Variants in CPD observed in about 807,000 individuals in gnomAD.
CPD encodes metallocarboxypeptidase D.
Under a neutral mutation model 138.3 loss-of-function variants are expected in CPD, and 69 were observed. The ratio of observed to expected loss-of-function variants is 0.50; its 90% CI spans 0.41 to 0.61. CPD has a LOEUF of 0.61. Among genes scored for constraint, CPD ranks in the 20% least tolerant of loss-of-function variants. CPD has a pLI of 0.00. For missense variants in CPD, 1,432 were observed against 1,733.3 expected (o/e 0.83, Z 3.09); for synonymous variants, 651 against 642.1 (o/e 1.01, Z -0.21).
intron 18 of CPD, 38 bp downstream of exon 18, chr17:30,461,349 G>T (rs958507873): frequency 1.3e-6 from 2 of 1,489,144 alleles, no homozygotes; most frequent in South Asian, 1.5e-5. Flanking sequence ...AAACTCCCAG[G>T]AATATGTTCA....
rs1333600557 is a variant in CPD at position 30,465,778 on chromosome 17, G to C, written c.*964G>C. 6.6e-6 allele frequency: 1 copy of C among 152,562 alleles called. No individual in the cohort carries two copies. The highest frequency in any genetic ancestry group is 1.5e-5 in the Non-Finnish European group (1 of 68,016). The allele number at this position is 152,562 out of a possible 1,614,324, so 9.5% of individuals were successfully genotyped here. On this transcript the variant is annotated 3_prime_UTR_variant, in exon 21 of 21. Transcript: ENST00000225719. ...TGAAAATATCTAGAAATGTGGAAGA[G>C]ACCTACTTGCACATTCTTAACCTGT...
chr17:30,459,156 T>TG (rs1290032872), intron 17 of CPD, among the ~76,000 whole-genome samples: 1 of 144,298 alleles, frequency 6.9e-6, no homozygotes, highest in Non-Finnish European at 1.5e-5. Flanking sequence ...CTTTTTTTTT[T>TG]TTTTTTTTGG....
In CPD at chr17:30,462,403, G is replaced by C. The variant is rs751392969; in HGVS notation, c.3850G>C (p.Val1284Leu). Reference sequence around the variant, plus strand: ...GCATCATGATGCAGCTAGTTCTGTGGTGATAGTCTTTGACACAGATAACCG... The same window carrying C: ...GCATCATGATGCAGCTAGTTCTGTGCTGATAGTCTTTGACACAGATAACCG... ...FVHHDAASSV[V>L]IVFDTDNRIF... The change falls in exon 20 of 21, where the codon GTG (valine) becomes CTG (leucine). Residue 1284 changes from valine to leucine, a missense_variant. Coordinates refer to ENST00000225719, the MANE Select transcript of CPD (RefSeq NM_001304.5). 1 of 1,613,954 alleles carries C rather than the reference G, an allele frequency of 6.2e-7. No homozygotes were observed. The highest frequency in any genetic ancestry group is 8.5e-7 in the Non-Finnish European group (1 of 1,179,888).
chr17:30,436,490 G>A (rs1912704269), intron 8 of CPD, among the ~76,000 whole-genome samples: 1 of 152,172 alleles, frequency 6.6e-6, no homozygotes, highest in African/African-American at 2.4e-5. Context: ...CTCTGAAGAA[G>A]AGAAAATGGC....
intron 6 of CPD, 101 bp downstream of exon 6, chr17:30,423,798 A>T (rs1376706127): frequency 4.8e-5 from 44 of 914,822 alleles, no homozygotes; most frequent in Admixed American, 3.4e-5. Context: ...ATTTCTTCCA[A>T]TTTTTTTTCC....
At position 30,379,178 on chromosome 17, in the gene CPD, G is replaced by C; in HGVS notation, c.198G>C (p.Ser66=). The C allele has an allele frequency of 2.6e-6, 4 of 1,533,400 alleles. No homozygotes were observed. The highest frequency in any genetic ancestry group is 3.5e-6 in the Non-Finnish European group (4 of 1,143,736). 95.0% of individuals were successfully genotyped at this position (1,533,400 alleles called of 1,614,324 possible). The change falls in exon 1 of 21, where the codon TCG becomes TCC. Residue 66 remains serine, a synonymous_variant. Coordinates refer to ENST00000225719, the MANE Select transcript of CPD (RefSeq NM_001304.5). This position sits in a 1 kb window ranked among gnomAD's most constrained non-coding sequence, Gnocchi z 7.0. ...DRYYHEEELE[S]ALREAAAAGL... Reference sequence around the variant, plus strand: ...ACTACCACGAAGAGGAGTTGGAGTCGGCGCTGAGGGAGGCGGCGGCCGCGG... The same window carrying C: ...ACTACCACGAAGAGGAGTTGGAGTCCGCGCTGAGGGAGGCGGCGGCCGCGG...
intron 2 of CPD, among the ~76,000 whole-genome samples, chr17:30,406,720 C>T (rs1911808075): frequency 6.6e-6 from 1 of 152,104 alleles, no homozygotes; most frequent in Non-Finnish European, 1.5e-5. Context: ...GTGAGTTGGC[C>T]ATGTTTGCAA....
At chr17:30,385,454 T>C (rs529646876) in intron 2 of CPD, among the ~76,000 whole-genome samples, 28 of 148,672 alleles carry the variant, frequency 1.9e-4, no homozygotes, top group African/African-American at 6.1e-4. Context: ...CCCAGATGGC[T>C]TGCCTCTCCC....
At chr17:30,451,652 A>C in intron 13 of CPD, 59 bp from the exon 14 acceptor site, 2 of 1,513,120 alleles carry the variant, frequency 1.3e-6, no homozygotes, top group Non-Finnish European at 1.8e-6. Flanking sequence ...GAGGCATGAG[A>C]GGGTACCCAT....
chr17:30,416,190 G>T (rs1386335366), intron 2 of CPD, among the ~76,000 whole-genome samples: 6 of 152,084 alleles, frequency 3.9e-5, no homozygotes. Context: ...AAATTAGCCG[G>T]GCGTAGTGCT....
At chr17:30,431,907 G>A (rs1008943525) in intron 8 of CPD, 26 bp downstream of exon 8, 1 of 1,426,628 alleles carries the variant, frequency 7.0e-7, no homozygotes, top group South Asian at 1.2e-5. Context: ...AATATAAAAT[G>A]TTACAAAATT....
Position 30,420,925 on chromosome 17 carries a change from C to T in CPD, c.1079C>T (p.Ser360Leu). The change falls in exon 3 of 21, where the codon TCA (serine) becomes TTA (leucine). Residue 360 changes from serine (S) to leucine (L), a missense_variant. By Grantham distance (145) the Ser-to-Leu change is moderately radical. Coordinates refer to ENST00000225719, the MANE Select transcript of CPD (RefSeq NM_001304.5). The part of the protein sequence containing the change: ...ELSCCKYPPA[S>L]QLRQEWENNR... ...TCTTGTTGCAAGTACCCACCTGCTT[C>T]ACAGCTTCGACAGGAATGGGAGAAC... 6.2e-7 allele frequency: 1 copy of T among 1,613,838 alleles called. No homozygotes were observed. The highest frequency in any genetic ancestry group is 8.5e-7 in the Non-Finnish European group (1 of 1,179,788).
intron 2 of CPD, among the ~76,000 whole-genome samples, chr17:30,401,501 T>C (rs908421019): frequency 2.0e-5 from 3 of 151,782 alleles, no homozygotes; most frequent in Non-Finnish European, 2.9e-5. Context: ...ATTATTATTG[T>C]GAGACAGAGT....
chr17:30,401,402 C>CTCCTCTTCTTCCTCT, intron 2 of CPD, among the ~76,000 whole-genome samples: 1 of 148,762 alleles, frequency 6.7e-6, no homozygotes, highest in Non-Finnish European at 1.5e-5. Context: ...CTTCTTCCTC[C>CTCCTCTTCTTCCTCT]TCCTCTTCTT....
intron 6 of CPD, among the ~76,000 whole-genome samples, chr17:30,426,845 C>G (rs1008321350): frequency 2.0e-5 from 3 of 152,004 alleles, no homozygotes; most frequent in Admixed American, 6.5e-5. Context: ...TTAGCTTGGC[C>G]GATGCCCAGG....
intron 2 of CPD, among the ~76,000 whole-genome samples, chr17:30,409,599 G>T (rs1421317997): frequency 6.6e-6 from 1 of 152,024 alleles, no homozygotes; most frequent in Admixed American, 6.6e-5. Context: ...GTATGTGTCC[G>T]GAAATTTATC....
intron 2 of CPD, among the ~76,000 whole-genome samples, chr17:30,387,665 A>G (rs1911229227): frequency 6.6e-6 from 1 of 152,222 alleles, no homozygotes; most frequent in Admixed American, 6.5e-5. Context: ...TTTTATTGGC[A>G]GTCACATTAT....
intron 12 of CPD, chr17:30,447,559 T>A (rs1913063161): frequency 6.6e-6 from 1 of 152,214 alleles, no homozygotes; most frequent in African/African-American, 2.4e-5. Context: ...AAATATTGTT[T>A]AGTTTGTTTT....
chr17:30,417,894 C>T (rs993912891), intron 2 of CPD, among the ~76,000 whole-genome samples: 1 of 152,082 alleles, frequency 6.6e-6, no homozygotes, highest in Non-Finnish European at 1.5e-5. Context: ...CTTACCTTTC[C>T]AGCCTCACCA....
Sources: allele counts gnomAD v4.1 joint callset (sites outside exome capture counted in the v4.1 genomes callset), GRCh38; gene constraint gnomAD v4.1.1; non-coding constraint Gnocchi (gnomAD v3.1); transcripts MANE v1.5; gene names NCBI Gene and HGNC (gene_info 2026-07-23, HGNC 2026-07-21).